The following HUWE1 variants were observed in gnomAD, a reference collection of about 807,000 sequenced individuals.
HUWE1 encodes the protein HECT, UBA and WWE domain containing E3 ubiquitin protein ligase 1, also known as E3 ubiquitin-protein ligase HUWE1.
Under a neutral mutation model 299.4 loss-of-function variants are expected in HUWE1, and 18 were observed. That is an observed-to-expected ratio of 0.06 (90% CI 0.04 to 0.09). The LOEUF is 0.09. Among genes scored for constraint, HUWE1 ranks in the 10% least tolerant of loss-of-function variants. HUWE1 has a pLI of 1.00. For synonymous variants in HUWE1, 1,317 were observed against 1,286.1 expected, an observed-to-expected ratio of 1.02 and a Z score of -0.51; for missense variants, 1,832 against 3,462.3, an observed-to-expected ratio of 0.53 and a Z score of 11.82.
chrX:53,671,337 C>T (rs1255200730), intron 3 of HUWE1, among the ~76,000 whole-genome samples: 8 of 111,525 alleles, frequency 7.2e-5, no homozygotes, highest in Non-Finnish European at 1.1e-4. Context: ...TTAGGATGTA[C>T]CTATGCTTCT....
intron 23 of HUWE1, 90 bp from the exon 24 acceptor site, chrX:53,608,999 C>T (rs1041957130): frequency 1.4e-5 from 8 of 580,710 alleles, no homozygotes; most frequent in Admixed American, 1.2e-4. Flanking sequence ...AAATTCTAGG[C>T]CTTTTTCTAT....
chrX:53,681,385 G>A (rs782455697), intron 2 of HUWE1, among the ~76,000 whole-genome samples: 10 of 103,752 alleles, frequency 9.6e-5, no homozygotes, highest in African/African-American at 3.6e-4. Context: ...AGTGAGCCGA[G>A]ATCGCGCCAC....
At chrX:53,579,322 GT>G in intron 43 of HUWE1, among the ~76,000 whole-genome samples, 1 of 99,194 alleles carries the variant, frequency 1.0e-5, no homozygotes, top group African/African-American at 3.7e-5. Flanking sequence ...CGGGAGGGTG[GT>G]GGGGGGGTCA....
In HUWE1 at chrX:53,562,209, C is replaced by G; in HGVS notation, c.7240G>C (p.Glu2414Gln). The change falls in exon 54 of 84, where the codon GAG (glutamate) becomes CAG (glutamine). Residue 2414 changes from glutamate (E) to glutamine (Q), a missense_variant. By Grantham distance (29) the Glu-to-Gln change is conservative. Transcript: ENST00000262854. ...CTGCTGTCCTCTTCCTGAGTGTGCT[C>G]CTCCTCATCCTCAGGGTCCAGGATA... ...MNILDPEDEE[E>Q]HTQEEDSSGS... 1 of 1,203,302 alleles carries G rather than the reference C, an allele frequency of 8.3e-7. No homozygotes were observed. Among genetic ancestry groups the G allele is most frequent in the Non-Finnish European group, 1.1e-6 (1 of 887,997 alleles).
intron 43 of HUWE1, among the ~76,000 whole-genome samples, chrX:53,578,401 G>GGGGGAGTC: frequency 3.3e-5 from 3 of 90,618 alleles, no homozygotes; most frequent in African/African-American, 1.3e-4. Flanking sequence ...TCCGGGAGGT[G>GGGGGAGTC]AGGGGCTCCT....
intron 53 of HUWE1, among the ~76,000 whole-genome samples, chrX:53,562,600 TG>T (rs782183366): frequency 3.0e-4 from 34 of 111,701 alleles, no homozygotes; most frequent in Non-Finnish European, 5.8e-4. Flanking sequence ...TGATAGCAGG[TG>T]GGTGAGAAGA....
rs944974988 is a variant in HUWE1 at position 53,564,554 on chromosome X, T to C, written c.7029+20A>G. The C allele has an allele frequency of 2.0e-5, 24 of 1,206,971 alleles. No homozygotes were observed. The highest frequency in any genetic ancestry group is 2.7e-5 in the Non-Finnish European group (24 of 894,785). ...GTTCAGCGCCGCAACAGGGAAATGC[T>C]GGGTGATCTGCCTCCCTACCTGCAT... On this transcript the variant is annotated intron_variant, in intron 51 of 83. Transcript: ENST00000262854.
intron 28 of HUWE1, among the ~76,000 whole-genome samples, chrX:53,600,584 G>T (rs1179907468): frequency 8.9e-6 from 1 of 112,276 alleles, no homozygotes; most frequent in Non-Finnish European, 1.9e-5. Context: ...CCCAACCCAG[G>T]GGGTACCATT....
chrX:53,611,976 G>A (rs150658529), intron 23 of HUWE1, among the ~76,000 whole-genome samples: 1,540 of 111,830 alleles, frequency 0.014, 25 homozygotes, highest in African/African-American at 0.048. Flanking sequence ...AAGAACTATG[G>A]ATATGGAGGA....
At chrX:53,586,660 A>G (rs1010394077) in intron 38 of HUWE1, 89 bp from the exon 39 acceptor site, 5 of 1,079,984 alleles carry the variant, frequency 4.6e-6, no homozygotes, top group African/African-American at 1.8e-5. Context: ...TGCTTCCTTT[A>G]TAATTTTAAA....
At chrX:53,539,877 G>T in intron 74 of HUWE1, 65 bp from the exon 75 acceptor site, 1 of 1,046,965 alleles carries the variant, frequency 9.6e-7, no homozygotes, top group South Asian at 2.1e-5. Flanking sequence ...GATCTTTCTA[G>T]ACCACACGCA....
chrX:53,603,346 AG>A (rs1556993150), intron 27 of HUWE1, 21 bp downstream of exon 27: 3 of 1,203,541 alleles, frequency 2.5e-6, no homozygotes, highest in Non-Finnish European at 3.4e-6. Context: ...CAAAGTAATA[AG>A]AGAGAGAGCC....
chrX:53,564,801 A>G (rs2062450102), intron 50 of HUWE1, 79 bp from the exon 51 acceptor site: 1 of 1,146,095 alleles, frequency 8.7e-7, no homozygotes. Context: ...CAAAGACAAT[A>G]AGGTCCCTTC....
intron 6 of HUWE1, among the ~76,000 whole-genome samples, chrX:53,646,737 C>T (rs938862787): frequency 3.6e-5 from 4 of 111,980 alleles, no homozygotes; most frequent in Non-Finnish European, 5.6e-5. Context: ...GATTCTGTTT[C>T]TCTACTGAAG....
intron 42 of HUWE1, 80 bp downstream of exon 42, chrX:53,583,478 G>A: frequency 1.4e-6 from 1 of 711,037 alleles, no homozygotes; most frequent in Non-Finnish European, 2.3e-6. Flanking sequence ...AGAAGAACCA[G>A]AAGTCTATTT....
At chrX:53,568,604 A>C in intron 49 of HUWE1, 88 bp downstream of exon 49, 2 of 926,012 alleles carry the variant, frequency 2.2e-6, no homozygotes, top group Non-Finnish European at 3.0e-6. Flanking sequence ...TTGTACCCAA[A>C]GTTTTCCCAC....
intron 3 of HUWE1, among the ~76,000 whole-genome samples, chrX:53,657,754 A>C (rs1048895813): frequency 9.0e-6 from 1 of 110,843 alleles, no homozygotes; most frequent in Non-Finnish European, 1.9e-5. Context: ...GTTAATATAC[A>C]AAAGTCAATT....
chrX:53,563,170 T>C (rs781912111), intron 52 of HUWE1, among the ~76,000 whole-genome samples: 10 of 112,304 alleles, frequency 8.9e-5, no homozygotes, highest in East Asian at 5.6e-4. Context: ...ATCCCACTAA[T>C]TGTGAAACCA....
At chrX:53,547,155 T>A (rs2061572796) in intron 68 of HUWE1, among the ~76,000 whole-genome samples, 1 of 112,083 alleles carries the variant, frequency 8.9e-6, no homozygotes, top group African/African-American at 3.2e-5. Flanking sequence ...TCCCCCACCA[T>A]CATGGCCCAC....
Sources: allele counts gnomAD v4.1 joint callset (sites outside exome capture counted in the v4.1 genomes callset), GRCh38; gene constraint gnomAD v4.1.1; transcripts MANE v1.5; gene names NCBI Gene and HGNC (gene_info 2026-07-23, HGNC 2026-07-21).